The following MACROD2 variants were observed in gnomAD, a reference collection of about 807,000 sequenced individuals.
The protein encoded by MACROD2 is mono-ADP ribosylhydrolase 2, also known as ADP-ribose glycohydrolase MACROD2.
Under a neutral mutation model 70.4 loss-of-function variants are expected in MACROD2, and 36 were observed. The observed-to-expected ratio is 0.51, with a 90% CI of 0.39 to 0.68. MACROD2 has a LOEUF of 0.68. Ranked by LOEUF, MACROD2 falls within the 30% of genes least tolerant of loss-of-function variation. The pLI is 0.00. For synonymous variants in MACROD2, 172 were observed against 178.8 expected (o/e 0.96, Z 0.30); for missense variants, 496 against 538.4 (o/e 0.92, Z 0.78).
At chr20:14,496,999 C>T (rs1301249818) in intron 4 of MACROD2, among the ~76,000 whole-genome samples, 4 of 151,724 alleles carry the variant, frequency 2.6e-5, no homozygotes, top group Non-Finnish European at 2.9e-5. Flanking sequence ...GAGAAGACAG[C>T]GTTCTTGACT....
chr20:15,737,062 TAAAG>T (rs1172277758), intron 8 of MACROD2, among the ~76,000 whole-genome samples: 1 of 152,186 alleles, frequency 6.6e-6, no homozygotes, highest in East Asian at 1.9e-4. Context: ...AGGACTTAAA[TAAAG>T]AATTGATTGG....
chr20:14,805,643 TCTCTGATTTTAAA>T (rs1568805886), intron 5 of MACROD2, among the ~76,000 whole-genome samples: 1 of 151,994 alleles, frequency 6.6e-6, no homozygotes, highest in Non-Finnish European at 1.5e-5. Context: ...CAAATCTAGG[TCTCTGATTTTAAA>T]CTCCATGTTC....
At chr20:15,986,907 A>G in intron 14 of MACROD2, 106 bp downstream of exon 14, 1 of 1,032,302 alleles carries the variant, frequency 9.7e-7, no homozygotes. Flanking sequence ...TGTTTTAGGC[A>G]ATGATTACTG....
rs1340757030 is a variant in MACROD2 at position 14,919,754 on chromosome 20, A to G, written c.418+234795A>G. Among the ~76,000 whole-genome samples, 3 of 152,152 alleles carry G rather than the reference A, an allele frequency of 2.0e-5. No homozygotes were observed. The East Asian group carries it at 5.8e-4, about 29-fold the overall frequency. On this transcript the variant is annotated intron_variant, in intron 5 of 17. Transcript: ENST00000684519. ...AGTTGAACAACAAAAACAAACAAAC[A>G]CCGGCCCTAAATTAAACCAGATAGG...
At chr20:15,193,115 T>C (rs1314767571) in intron 5 of MACROD2, among the ~76,000 whole-genome samples, 4 of 152,214 alleles carry the variant, frequency 2.6e-5, no homozygotes, top group African/African-American at 9.6e-5. Flanking sequence ...TGCATGTTTG[T>C]GTAGTTACCT....
chr20:15,355,539 A>C (rs2078276860), intron 6 of MACROD2, among the ~76,000 whole-genome samples: 1 of 152,296 alleles, frequency 6.6e-6, no homozygotes, highest in East Asian at 1.9e-4. Flanking sequence ...TTGAGGTTTC[A>C]TTACATAGAC....
intron 5 of MACROD2, among the ~76,000 whole-genome samples, chr20:14,988,895 T>G (rs999110782): frequency 6.6e-6 from 1 of 152,156 alleles, no homozygotes; most frequent in Non-Finnish European, 1.5e-5. Flanking sequence ...TTAAAATTAT[T>G]GTTTAATATT....
At chr20:14,566,929 A>G (rs1979844154) in intron 4 of MACROD2, 1 of 152,052 alleles carries the variant, frequency 6.6e-6, no homozygotes, top group South Asian at 2.1e-4. Flanking sequence ...AGACAAACAC[A>G]TAAATTTTGA....
intron 5 of MACROD2, among the ~76,000 whole-genome samples, chr20:15,055,587 G>T (rs2075478352): frequency 6.6e-6 from 1 of 152,146 alleles, no homozygotes; most frequent in Non-Finnish European, 1.5e-5. Flanking sequence ...AAGGTAAATT[G>T]GGAGGCGGGG....
intron 3 of MACROD2, among the ~76,000 whole-genome samples, chr20:14,238,165 T>A (rs2081894684): frequency 6.6e-6 from 1 of 152,192 alleles, no homozygotes; most frequent in Admixed American, 6.5e-5. Context: ...CCACCAACAG[T>A]GCAAAAGTAT....
intron 5 of MACROD2, among the ~76,000 whole-genome samples, chr20:14,774,330 C>T (rs1332058649): frequency 2.0e-5 from 3 of 152,050 alleles, no homozygotes; most frequent in Admixed American, 2.0e-4. Context: ...ACAATACTCC[C>T]TAACAGTCTG....
At chr20:14,766,511 G>A (rs2123762317) in intron 5 of MACROD2, among the ~76,000 whole-genome samples, 1 of 152,210 alleles carries the variant, frequency 6.6e-6, no homozygotes, top group East Asian at 1.9e-4. Flanking sequence ...AGTCCTTTGA[G>A]ATATGAGGGA....
intron 3 of MACROD2, among the ~76,000 whole-genome samples, chr20:14,167,475 C>T (rs2055283888): frequency 6.6e-6 from 1 of 151,906 alleles, no homozygotes; most frequent in East Asian, 1.9e-4. Flanking sequence ...CCTCTGCCTC[C>T]TGGGTTCAAA....
intron 5 of MACROD2, among the ~76,000 whole-genome samples, chr20:15,039,647 G>C (rs1254530327): frequency 6.7e-6 from 1 of 148,198 alleles, no homozygotes; most frequent in African/African-American, 2.5e-5. Flanking sequence ...AGGAGAGTGT[G>C]ATAGACAACT....
intron 3 of MACROD2, among the ~76,000 whole-genome samples, chr20:14,201,701 G>A (rs557549689): frequency 1.3e-4 from 20 of 152,068 alleles, no homozygotes; most frequent in South Asian, 4.2e-4. Flanking sequence ...TTAGCCAGGC[G>A]TGGTGGTGGG....
chr20:15,443,233 C>G lies in MACROD2; in HGVS notation c.571+11798C>G, dbSNP rs74996070. The stretch of plus-strand genomic sequence containing the variant: ...GTCCTGAGCAGATATGGATTTACAT[C>G]CTGTGTACCTAGGAACTCTGGGGAA... On this transcript the variant is annotated intron_variant, in intron 7 of 17. Transcript: ENST00000684519. Among the ~76,000 whole-genome samples, 4 of 152,124 alleles carry G rather than the reference C, an allele frequency of 2.6e-5. No homozygotes were observed. In the East Asian group the frequency reaches 7.7e-4, roughly 29 times the overall value.
chr20:15,477,652 TG>T (rs1470731025), intron 7 of MACROD2, among the ~76,000 whole-genome samples: 3 of 152,272 alleles, frequency 2.0e-5, no homozygotes, highest in Non-Finnish European at 4.4e-5. Context: ...GGTTCATTTT[TG>T]TTGGAGACTG....
intron 6 of MACROD2, among the ~76,000 whole-genome samples, chr20:15,260,766 T>A (rs535808910): frequency 6.6e-6 from 1 of 152,072 alleles, no homozygotes; most frequent in East Asian, 1.9e-4. Flanking sequence ...TCTCCAAATC[T>A]GTGCTAGCAT....
chr20:15,748,362 TCCTTCCTC>T (rs56114751), intron 8 of MACROD2, among the ~76,000 whole-genome samples: 17,132 of 151,790 alleles, frequency 0.11, 1,089 homozygotes, highest in Admixed American at 0.14. Context: ...CTTCCTTCCT[TCCTTCCTC>T]CCTTCCTTCT....
Sources: gnomAD v4.1 joint callset for allele counts (sites outside exome capture counted in the v4.1 genomes callset) on GRCh38, gnomAD v4.1.1 for gene constraint, MANE v1.5 for transcripts, NCBI Gene and HGNC (gene_info 2026-07-23, HGNC 2026-07-21) for gene names.